Variants in ARHGAP42 observed in about 807,000 individuals in gnomAD.
ARHGAP42 encodes the protein rho GTPase-activating protein 42.
In ARHGAP42, 63 loss-of-function variants were observed where a neutral mutation model predicts 125.0. The observed-to-expected ratio is 0.50, with a 90% confidence interval of 0.41 to 0.62. The LOEUF (loss-of-function observed/expected upper bound fraction) is 0.62. Among genes scored for constraint, ARHGAP42 ranks in the 20% least tolerant of loss-of-function variants. The pLI, the probability that ARHGAP42 is intolerant of heterozygous loss-of-function variation, is 0.00. For missense variants in ARHGAP42, 766 were observed against 1,024.2 expected, an observed-to-expected ratio of 0.75 and a Z score of 3.44; for synonymous variants, 339 against 351.0, an observed-to-expected ratio of 0.97 and a Z score of 0.38.
chr11:100,815,588 T>C (rs1232652947), intron 3 of ARHGAP42, among the ~76,000 whole-genome samples: 1 of 152,156 alleles, frequency 6.6e-6, no homozygotes, highest in Non-Finnish European at 1.5e-5. Flanking sequence ...AGTTAATGAG[T>C]CCAATTAGAG....
intron 1 of ARHGAP42, among the ~76,000 whole-genome samples, chr11:100,695,305 G>C (rs1488278774): frequency 6.6e-6 from 1 of 152,104 alleles, no homozygotes; most frequent in African/African-American, 2.4e-5. Context: ...ATTTCTGGTA[G>C]GGTAGATTCT....
At chr11:100,774,590 CA>C (rs1330345733) in intron 2 of ARHGAP42, among the ~76,000 whole-genome samples, 1 of 152,080 alleles carries the variant, frequency 6.6e-6, no homozygotes, top group Non-Finnish European at 1.5e-5. Flanking sequence ...AAGACATCGG[CA>C]GGCTTTCTGT....
At chr11:100,973,046 G>T in intron 17 of ARHGAP42, 129 bp from the exon 18 acceptor site, 2 of 774,504 alleles carry the variant, frequency 2.6e-6, no homozygotes, top group Non-Finnish European at 3.9e-6. Flanking sequence ...ATTGGAAGTG[G>T]CTAAAAGTAG....
intron 1 of ARHGAP42, among the ~76,000 whole-genome samples, chr11:100,700,408 C>G (rs1326897095): frequency 1.5e-5 from 2 of 135,760 alleles, no homozygotes. Flanking sequence ...TTGATTGACT[C>G]TTCTTGCACA....
intron 3 of ARHGAP42, among the ~76,000 whole-genome samples, chr11:100,846,827 G>C (rs148346881): frequency 3.7e-4 from 56 of 152,246 alleles, no homozygotes; most frequent in African/African-American, 1.3e-3. Context: ...TAAAAAATGA[G>C]TAAGAGGTGT....
chr11:100,710,091 A>ATTACTCCT (rs1861537051), intron 1 of ARHGAP42, among the ~76,000 whole-genome samples: 2 of 152,146 alleles, frequency 1.3e-5, no homozygotes, highest in Admixed American at 6.6e-5. Context: ...ACACTTTGAG[A>ATTACTCCT]TTACTCCTTT....
chr11:100,859,731 T>C (rs2135141146), intron 4 of ARHGAP42, 106 bp downstream of exon 4: 7 of 886,110 alleles, frequency 7.9e-6, no homozygotes, highest in East Asian at 3.0e-5. Flanking sequence ...TTAAAAGATT[T>C]TGTACATCAT....
intron 1 of ARHGAP42, among the ~76,000 whole-genome samples, chr11:100,746,748 C>T (rs770042075): frequency 6.6e-5 from 10 of 152,110 alleles, no homozygotes; most frequent in Non-Finnish European, 1.0e-4. Flanking sequence ...GACCTCTGCT[C>T]CTAAACCATA....
intron 12 of ARHGAP42, among the ~76,000 whole-genome samples, chr11:100,954,630 C>A (rs937089292): frequency 2.6e-5 from 4 of 152,086 alleles, no homozygotes; most frequent in Admixed American, 2.6e-4. Flanking sequence ...TCTCAGATGT[C>A]CCTAGGTTAT....
intron 4 of ARHGAP42, among the ~76,000 whole-genome samples, chr11:100,882,382 T>C (rs1865982277): frequency 6.6e-6 from 1 of 152,222 alleles, no homozygotes; most frequent in African/African-American, 2.4e-5. Flanking sequence ...TCTTTTTATG[T>C]GGTGTATCAC....
chr11:100,808,561 G>A (rs1037520404), intron 3 of ARHGAP42, among the ~76,000 whole-genome samples: 2 of 150,864 alleles, frequency 1.3e-5, no homozygotes, highest in African/African-American at 4.9e-5. Flanking sequence ...GCCCGCCACC[G>A]CGCCCGGCTA....
chr11:100,970,878 G>C (rs1858224593), intron 17 of ARHGAP42, among the ~76,000 whole-genome samples: 1 of 151,934 alleles, frequency 6.6e-6, no homozygotes, highest in East Asian at 2.0e-4. Context: ...GGTTTCAGAG[G>C]CTGAATTCCC....
In ARHGAP42 at chr11:100,992,724, A is replaced by G. The variant is rs764852263; in HGVS notation, c.*3923A>G. The G allele has an allele frequency of 6.5e-7, 1 of 1,532,796 alleles. No homozygotes were observed. The highest frequency in any genetic ancestry group is 1.4e-5 in the African/African-American group (1 of 71,930). The allele number at this position is 1,532,796 out of a possible 1,614,324, so 94.9% of individuals were successfully genotyped here. ...TGTGGACTTTTAGAGGATCAAATCA[A>G]TAAATTGGATTTTTTATTTTTTGAG... On this transcript the variant is annotated 3_prime_UTR_variant, in exon 24 of 24. Transcript: ENST00000298815.
intron 3 of ARHGAP42, among the ~76,000 whole-genome samples, chr11:100,818,323 G>A (rs1864318871): frequency 6.6e-6 from 1 of 152,282 alleles, no homozygotes. Context: ...TGTAAGACAA[G>A]GGTCCATTCT....
At chr11:100,739,813 C>G (rs1280069998) in intron 1 of ARHGAP42, among the ~76,000 whole-genome samples, 1 of 152,020 alleles carries the variant, frequency 6.6e-6, no homozygotes, top group Non-Finnish European at 1.5e-5. Context: ...TCCAAGGGTT[C>G]CTTACTTAGA....
chr11:100,949,335 G>A (rs1019293214), intron 11 of ARHGAP42, among the ~76,000 whole-genome samples: 5 of 152,122 alleles, frequency 3.3e-5, no homozygotes, highest in Admixed American at 6.5e-5. Flanking sequence ...AGCCACTTGG[G>A]TTATTTTAAG....
chr11:100,880,724 G>A (rs982168887), intron 4 of ARHGAP42, among the ~76,000 whole-genome samples: 2 of 152,158 alleles, frequency 1.3e-5, no homozygotes, highest in African/African-American at 4.8e-5. Flanking sequence ...CAGTGTAGAA[G>A]TGATCCCTTT....
At chr11:100,715,572 C>T (rs1174807533) in intron 1 of ARHGAP42, among the ~76,000 whole-genome samples, 4 of 152,138 alleles carry the variant, frequency 2.6e-5, no homozygotes, top group African/African-American at 4.8e-5. Flanking sequence ...AGTGTTCTGT[C>T]TCACAAGACT....
intron 19 of ARHGAP42, among the ~76,000 whole-genome samples, chr11:100,975,119 C>G (rs1036062734): frequency 6.6e-6 from 1 of 152,074 alleles, no homozygotes; most frequent in African/African-American, 2.4e-5. Context: ...TGTGGCTGTT[C>G]TCATTTTATT....
Sources: allele counts gnomAD v4.1 joint callset (sites outside exome capture counted in the v4.1 genomes callset), GRCh38; gene constraint gnomAD v4.1.1; transcripts MANE v1.5; gene names NCBI Gene and HGNC (gene_info 2026-07-23, HGNC 2026-07-21).